Variants in PCDHA10 observed in about 807,000 individuals in gnomAD.
The protein encoded by PCDHA10 is protocadherin alpha 10, also known as protocadherin alpha-10.
PCDHA10 carries 45 observed loss-of-function variants against 61.2 expected under a neutral mutation model. The observed-to-expected ratio is 0.74, with a 90% CI of 0.58 to 0.94. PCDHA10 has a LOEUF of 0.94. PCDHA10 is among the 40% of genes least tolerant of loss of function. PCDHA10 has a pLI of 0.00. For synonymous variants in PCDHA10, 602 were observed against 548.8 expected, an observed-to-expected ratio of 1.10 and a Z score of -1.35; for missense variants, 1,278 against 1,236.2, an observed-to-expected ratio of 1.03 and a Z score of -0.51.
rs782761972 is a variant in PCDHA10, at chr5:140,927,978, T to C, written c.2389-50971T>C. 9.9e-6 allele frequency: 16 copies of C among 1,614,092 alleles called. No individual in the cohort carries two copies. In the East Asian group the frequency reaches 1.8e-4, roughly 18 times the overall value. ...CCCCTGGCACAGTGATTGCTCTCTTTAGTGTAAAGGATGAAGACCTCGATT... is the reference window on the plus strand; with the variant it reads ...CCCCTGGCACAGTGATTGCTCTCTTCAGTGTAAAGGATGAAGACCTCGATT... On this transcript the variant is annotated intron_variant, in intron 1 of 3. Coordinates refer to ENST00000307360, the MANE Select transcript of PCDHA10 (RefSeq NM_018901.4).
At chr5:140,943,761 A>T (rs1219179710) in intron 1 of PCDHA10, among the ~76,000 whole-genome samples, 1 of 152,248 alleles carries the variant, frequency 6.6e-6, no homozygotes, top group Non-Finnish European at 1.5e-5. Context: ...TAGGAGATGT[A>T]GGAAAAAAAC....
At chr5:140,927,612 C>T (rs781873236) in intron 1 of PCDHA10, 12 of 1,614,172 alleles carry the variant, frequency 7.4e-6, no homozygotes, top group Non-Finnish European at 8.5e-6. Context: ...TATACCGCAC[C>T]AAGGTTCCAG....
At chr5:140,883,455 A>T in intron 1 of PCDHA10, 1 of 1,614,128 alleles carries the variant, frequency 6.2e-7, no homozygotes, top group East Asian at 2.2e-5. Flanking sequence ...GTCCCCTTCA[A>T]GCTGGTGTCC....
chr5:140,869,867 C>A (rs1554163562), intron 1 of PCDHA10: 7 of 1,609,988 alleles, frequency 4.3e-6, no homozygotes, highest in Non-Finnish European at 5.9e-6. Context: ...ATGGAAAATG[C>A]TGCTAAAGAA....
chr5:140,876,212 A>G lies in PCDHA10; in HGVS notation c.2388+17776A>G, dbSNP rs782252921. On this transcript the variant is annotated intron_variant, in intron 1 of 3. Coordinates refer to ENST00000307360, the MANE Select transcript of PCDHA10 (RefSeq NM_018901.4). Reference sequence around the variant, plus strand: ...GGTCCGGCGTTTGATAAGCCCAGCTATAAAGTAGTGTTGTCTGAAAATGTC... The same window carrying G: ...GGTCCGGCGTTTGATAAGCCCAGCTGTAAAGTAGTGTTGTCTGAAAATGTC... 5.6e-6 allele frequency: 9 copies of G among 1,613,994 alleles called. No individual in the cohort carries two copies. In the East Asian group the frequency reaches 2.0e-4, roughly 36 times the overall value.
chr5:140,882,788 C>T, intron 1 of PCDHA10: 1 of 1,614,216 alleles, frequency 6.2e-7, no homozygotes, highest in East Asian at 2.2e-5. Context: ...CCGACTGGAT[C>T]CCAACGATTA....
chr5:140,982,566 A>C lies in PCDHA10; in HGVS notation c.2536+3A>C. 1.2e-6 allele frequency: 2 copies of C among 1,614,088 alleles called. No individual in the cohort carries two copies. Among genetic ancestry groups the C allele is most frequent in the Non-Finnish European group, 1.7e-6 (2 of 1,179,950 alleles). ...AACAGTATCCAGTGCAACACCAGGT[A>C]AAGAGCTGGGGTCTCTCCATTCTTT... is the stretch of plus-strand genomic sequence containing the variant. On this transcript the variant is annotated splice_donor_region_variant and intron_variant, in intron 3 of 3. Transcript: ENST00000307360.
intron 1 of PCDHA10, chr5:140,969,438 C>G: frequency 6.5e-7 from 1 of 1,546,540 alleles, no homozygotes; most frequent in African/African-American, 1.4e-5. Flanking sequence ...CAAGAGTTAT[C>G]TGGTAAACTG....
At chr5:140,955,847 T>C (rs2095231839) in intron 1 of PCDHA10, among the ~76,000 whole-genome samples, 2 of 152,216 alleles carry the variant, frequency 1.3e-5, no homozygotes, top group Non-Finnish European at 2.9e-5. Context: ...TCATTCTCCT[T>C]GAAGAGGTCC....
rs2098420299 is a variant in PCDHA10 at position 141,011,351 on chromosome 5, A to G, written c.*1414A>G. The G allele has an allele frequency of 1.3e-5, 2 of 153,694 alleles. No homozygotes were observed. Among genetic ancestry groups the G allele is most frequent in the African/African-American group, 2.4e-5 (1 of 41,410 alleles). 9.5% of individuals were successfully genotyped at this position (153,694 alleles called of 1,614,324 possible). A position where few individuals can be genotyped will look rare whatever the true frequency, so the allele number is the denominator to read the frequency against. On this transcript the variant is annotated 3_prime_UTR_variant, in exon 4 of 4. Transcript: ENST00000307360. ...TGATGTTACCTGAAATCAATCTCCC[A>G]TATGTATGCTGTATGCTATGCTAAG...
chr5:140,966,543 A>G lies in PCDHA10; in HGVS notation c.2389-12406A>G, dbSNP rs200134570. 641 of 461,190 alleles carry G rather than the reference A, an allele frequency of 1.4e-3. 4 individuals carry two copies. The highest frequency in any genetic ancestry group is 0.011 in the African/African-American group (555 of 49,108). The allele number at this position is 461,190 out of a possible 1,614,324, so 28.6% of individuals were successfully genotyped here. ...AGCCGAGCCGGGTTGAGCGACTCGGAGGCGAGCGGAGGAGCTGGAATATGG... is the reference window on the plus strand; with the variant it reads ...AGCCGAGCCGGGTTGAGCGACTCGGGGGCGAGCGGAGGAGCTGGAATATGG... On this transcript the variant is annotated intron_variant, in intron 1 of 3. Coordinates refer to ENST00000307360, the MANE Select transcript of PCDHA10 (RefSeq NM_018901.4).
chr5:141,006,765 G>T (rs1299930915), intron 3 of PCDHA10, among the ~76,000 whole-genome samples: 3 of 152,174 alleles, frequency 2.0e-5, no homozygotes, highest in Non-Finnish European at 4.4e-5. Context: ...ATGAAGAATA[G>T]AATAGAGAAA....
intron 3 of PCDHA10, among the ~76,000 whole-genome samples, chr5:140,989,486 A>G (rs1563557204): frequency 6.6e-6 from 1 of 152,190 alleles, no homozygotes; most frequent in African/African-American, 2.4e-5. Context: ...AGGTGCTTGA[A>G]CAAGAAAGAC....
chr5:140,857,200 C>A lies in PCDHA10; in HGVS notation c.1152C>A (p.Val384=). The A allele has an allele frequency of 1.3e-6, 2 of 1,598,618 alleles. No homozygotes were observed. The highest frequency in any genetic ancestry group is 2.2e-5 in the East Asian group (1 of 44,844). ...ATGATTCAGGAGCCAACGGACAGGT[C>A]ACCTGCTCTCTGACGCCTCACGTTC... ...SDHDSGANGQ[V]TCSLTPHVPF... The change falls in exon 1 of 4, where the codon GTC becomes GTA. Residue 384 remains valine, a synonymous_variant. Coordinates refer to ENST00000307360, the MANE Select transcript of PCDHA10 (RefSeq NM_018901.4).
At chr5:140,963,531 TTTAC>T (rs1391697303) in intron 1 of PCDHA10, among the ~76,000 whole-genome samples, 2 of 152,218 alleles carry the variant, frequency 1.3e-5, no homozygotes, top group African/African-American at 4.8e-5. Flanking sequence ...AGAAGTCCCA[TTTAC>T]TTCATGATAT....
chr5:140,967,725 T>C lies in PCDHA10; in HGVS notation c.2389-11224T>C, dbSNP rs782758957. 16 of 1,613,798 alleles carry C rather than the reference T, an allele frequency of 9.9e-6. No individual in the cohort carries two copies. The East Asian group carries it at 2.0e-4, about 20-fold the overall frequency. On this transcript the variant is annotated intron_variant, in intron 1 of 3. Transcript: ENST00000307360. ...GCCAGTACCGGGGAAGTGCGAGTAA[T>C]TGGGGGGCTGGATTATGAGGAAGCC...
intron 3 of PCDHA10, among the ~76,000 whole-genome samples, chr5:141,003,751 T>G (rs3822342): frequency 0.05 from 7,683 of 152,316 alleles, 243 homozygotes; most frequent in South Asian, 0.11. Flanking sequence ...ATATTTTGTA[T>G]AATTATGGTC....
rs782773036 is a variant in PCDHA10 at position 140,870,430 on chromosome 5, G to T, written c.2388+11994G>T. 3 of 1,614,226 alleles carry T rather than the reference G, an allele frequency of 1.9e-6. No homozygotes were observed. In the African/African-American group the frequency reaches 4.0e-5, roughly 22 times the overall value. The stretch of plus-strand genomic sequence containing the variant: ...GTGGGCCACGGCCAGGGTATCCGTG[G>T]AGGTGGCCGACGTGAACGACAATGC... On this transcript the variant is annotated intron_variant, in intron 1 of 3. Transcript: ENST00000307360.
Position 141,009,646 on chromosome 5 carries a change from G to A in PCDHA10, c.2556G>A (p.Val852=), listed in dbSNP as rs369515881. 16 of 1,613,668 alleles carry A rather than the reference G, an allele frequency of 9.9e-6. No individual in the cohort carries two copies. The highest frequency in any genetic ancestry group is 5.5e-5 in the South Asian group (5 of 91,030). ...TTTCAGAACCAGAGGCAGGAGAAGT[G>A]TCCCCTCCAGTCGGTGCGGGTGTCA... is the stretch of plus-strand genomic sequence containing the variant. ...SATPEPEAGE[V]SPPVGAGVNS... The change falls in exon 4 of 4, where the codon GTG becomes GTA. Residue 852 remains valine, a synonymous_variant. Coordinates refer to ENST00000307360, the MANE Select transcript of PCDHA10 (RefSeq NM_018901.4).
Sources: gnomAD v4.1 joint callset for allele counts (sites outside exome capture counted in the v4.1 genomes callset) on GRCh38, gnomAD v4.1.1 for gene constraint, MANE v1.5 for transcripts, NCBI Gene and HGNC (gene_info 2026-07-23, HGNC 2026-07-21) for gene names.